Variants in SGCD observed in about 807,000 individuals in gnomAD.
The protein encoded by SGCD is delta-sarcoglycan.
SGCD carries 18 observed loss-of-function variants against 36.6 expected under a neutral mutation model. That is an observed-to-expected ratio of 0.49 (90% CI 0.34 to 0.73). SGCD has a LOEUF of 0.73. SGCD is among the 30% of genes least tolerant of loss of function. The probability of loss-of-function intolerance (pLI) is 0.01; values close to 1 mark genes in which losing one functional copy is unlikely to be tolerated. For missense variants in SGCD, 387 were observed against 346.7 expected (o/e 1.12, Z -0.92); for synonymous variants, 133 against 130.6 (o/e 1.02, Z -0.12).
At chr5:155,931,101 A>G (rs920777038) in intron 1 of SGCD, among the ~76,000 whole-genome samples, 2 of 152,200 alleles carry the variant, frequency 1.3e-5, no homozygotes, top group Non-Finnish European at 2.9e-5. Flanking sequence ...ATGTTCCTAA[A>G]CTGAATGATC....
chr5:155,977,922 G>A lies in SGCD; in HGVS notation c.-282+107498G>A, dbSNP rs567893716. On this transcript the variant is annotated intron_variant, in intron 1 of 9. Coordinates refer to the SGCD transcript ENST00000517913. The stretch of plus-strand genomic sequence containing the variant: ...CATCCTAGCTAACATGGTGAAACCC[G>A]GTATCTACTAAAACACAAAAAACTA... 6.6e-5 allele frequency among the ~76,000 whole-genome samples: 10 copies of A among 152,006 alleles called. No homozygotes were observed. In the East Asian group the frequency reaches 9.7e-4, roughly 15 times the overall value.
intron 4 of SGCD, among the ~76,000 whole-genome samples, chr5:156,573,408 C>G (rs987169342): frequency 1.3e-5 from 2 of 152,186 alleles, no homozygotes; most frequent in African/African-American, 4.8e-5. Flanking sequence ...CATGACTGCC[C>G]CACCCAGGTG....
intron 3 of SGCD, among the ~76,000 whole-genome samples, chr5:156,184,021 C>T (rs1391498867): frequency 6.6e-6 from 1 of 152,194 alleles, no homozygotes. Context: ...TTTAATATTC[C>T]TAACCTACCA....
In SGCD at chr5:156,637,473, A is replaced by G. The variant is rs146231035; in HGVS notation, c.503-9991A>G. ...GATGAGATGACTCAGGCAGCTCCAGATATCATGCTGATATTCAGATAAAAA... is the reference window on the plus strand; with the variant it reads ...GATGAGATGACTCAGGCAGCTCCAGGTATCATGCTGATATTCAGATAAAAA... On this transcript the variant is annotated intron_variant, in intron 6 of 8. Coordinates refer to ENST00000337851, the MANE Select transcript of SGCD (RefSeq NM_000337.6). Among the ~76,000 whole-genome samples, 257 of 152,264 alleles carry G rather than the reference A, an allele frequency of 1.7e-3. 1 individual carries two copies. Among genetic ancestry groups the G allele is most frequent in the African/African-American group, 5.9e-3 (244 of 41,560 alleles).
At chr5:156,159,204 T>C (rs1256653509) in intron 3 of SGCD, among the ~76,000 whole-genome samples, 1 of 151,646 alleles carries the variant, frequency 6.6e-6, no homozygotes, top group African/African-American at 2.4e-5. Context: ...AAATGTCTAG[T>C]GCTATGTGTG....
intron 1 of SGCD, among the ~76,000 whole-genome samples, chr5:155,980,549 C>T (rs1167492521): frequency 8.1e-6 from 1 of 124,002 alleles, no homozygotes; most frequent in Non-Finnish European, 1.6e-5. Context: ...GATCTTGCCA[C>T]TGCACTCCAG....
intron 4 of SGCD, among the ~76,000 whole-genome samples, chr5:156,578,370 TTC>T (rs1468641682): frequency 1.3e-5 from 2 of 152,226 alleles, no homozygotes; most frequent in Admixed American, 1.3e-4. Context: ...TGGTCTAAAA[TTC>T]TCTTTTTTTT....
chr5:156,653,563 A>G (rs1394303004), intron 7 of SGCD, among the ~76,000 whole-genome samples: 2 of 130,984 alleles, frequency 1.5e-5, no homozygotes, highest in Non-Finnish European at 3.1e-5. Context: ...CTAGAATGTC[A>G]TAATCTACCT....
chr5:156,165,928 G>A (rs978543826), intron 3 of SGCD, among the ~76,000 whole-genome samples: 2 of 152,164 alleles, frequency 1.3e-5, no homozygotes, highest in Non-Finnish European at 2.9e-5. Flanking sequence ...AAGTTTTTAG[G>A]AAATAGCAAA....
intron 4 of SGCD, among the ~76,000 whole-genome samples, chr5:156,541,254 G>GC (rs1758337546): frequency 6.6e-6 from 1 of 152,158 alleles, no homozygotes; most frequent in Admixed American, 6.6e-5. Context: ...CTGGGGTTTT[G>GC]CCCTAAGTCA....
At chr5:156,573,902 G>T (rs576307214) in intron 4 of SGCD, among the ~76,000 whole-genome samples, 2 of 151,698 alleles carry the variant, frequency 1.3e-5, no homozygotes, top group African/African-American at 4.8e-5. Flanking sequence ...TATGTTGCCC[G>T]GGCTGGTCTC....
At chr5:156,732,746 T>C (rs1756144713) in intron 7 of SGCD, among the ~76,000 whole-genome samples, 1 of 152,158 alleles carries the variant, frequency 6.6e-6, no homozygotes, top group Non-Finnish European at 1.5e-5. Flanking sequence ...TGGTAGGCTA[T>C]TTATTACTGC....
intron 3 of SGCD, among the ~76,000 whole-genome samples, chr5:156,251,833 C>T (rs571063579): frequency 2.8e-4 from 42 of 151,570 alleles, no homozygotes; most frequent in African/African-American, 9.7e-4. Context: ...TTTTAAAACT[C>T]GAAACTGTCT....
chr5:156,069,037 G>T (rs1188720808), intron 1 of SGCD, among the ~76,000 whole-genome samples: 1 of 152,074 alleles, frequency 6.6e-6, no homozygotes, highest in Non-Finnish European at 1.5e-5. Context: ...TTTGTCAGAT[G>T]AGTAGATTGC....
At chr5:156,679,740 A>G (rs113467387) in intron 7 of SGCD, among the ~76,000 whole-genome samples, 8 of 152,254 alleles carry the variant, frequency 5.3e-5, no homozygotes, top group Non-Finnish European at 8.8e-5. Context: ...TTAGAACTCT[A>G]TCTTCTCTAG....
intron 3 of SGCD, among the ~76,000 whole-genome samples, chr5:156,375,502 T>A (rs752403564): frequency 8.8e-5 from 13 of 148,498 alleles, no homozygotes; most frequent in Non-Finnish European, 1.9e-4. Context: ...AATGTGAGAG[T>A]GAGAAGGATG....
intron 1 of SGCD, among the ~76,000 whole-genome samples, chr5:155,936,688 C>T (rs923829013): frequency 2.0e-5 from 3 of 152,220 alleles, no homozygotes; most frequent in African/African-American, 7.2e-5. Flanking sequence ...AGTCCGGCCC[C>T]CAGGTTTTAG....
chr5:155,754,387 GC>G, the SGCD span, among the ~76,000 whole-genome samples: 1 of 152,194 alleles, frequency 6.6e-6, no homozygotes, highest in East Asian at 1.9e-4. Context: ...TGAATAGCCT[GC>G]CCTATGATTT....
chr5:156,198,811 A>G (rs1419602294), intron 3 of SGCD, among the ~76,000 whole-genome samples: 1 of 151,976 alleles, frequency 6.6e-6, no homozygotes, highest in Non-Finnish European at 1.5e-5. Context: ...AGTATAATAG[A>G]TGTGTTTAGA....
Sources: gnomAD v4.1 joint callset for allele counts (sites outside exome capture counted in the v4.1 genomes callset) on GRCh38, gnomAD v4.1.1 for gene constraint, MANE v1.5 for transcripts, NCBI Gene and HGNC (gene_info 2026-07-23, HGNC 2026-07-21) for gene names.